COL25A1: variants seen among roughly 807,000 people sequenced by gnomAD.
COL25A1 encodes the protein collagen alpha-1(XXV) chain.
Under a neutral mutation model 128.4 loss-of-function variants are expected in COL25A1, and 103 were observed. The observed-to-expected ratio is 0.80, with a 90% CI of 0.68 to 0.94. The LOEUF (loss-of-function observed/expected upper bound fraction) is 0.94, where lower values mean the gene tolerates loss of function less well. Among genes scored for constraint, COL25A1 ranks in the 40% least tolerant of loss-of-function variants. The probability of loss-of-function intolerance (pLI) is 0.00; values close to 1 mark genes in which losing one functional copy is unlikely to be tolerated. For missense variants in COL25A1, 745 were observed against 840.0 expected, an observed-to-expected ratio of 0.89 and a Z score of 1.40; for synonymous variants, 279 against 277.2, an observed-to-expected ratio of 1.01 and a Z score of -0.06.
chr4:108,994,703 T>C (rs1177739018), intron 6 of COL25A1, among the ~76,000 whole-genome samples: 1 of 152,136 alleles, frequency 6.6e-6, no homozygotes, highest in African/African-American at 2.4e-5. Context: ...GGGAAATATC[T>C]CCCAGTAGGG....
intron 3 of COL25A1, among the ~76,000 whole-genome samples, chr4:109,167,882 G>A (rs566041859): frequency 5.3e-5 from 8 of 152,206 alleles, no homozygotes; most frequent in Admixed American, 1.3e-4. Flanking sequence ...GATAGATGAG[G>A]GGAGGTGGGC....
rs2125696270 is a variant in COL25A1 at position 108,810,201 on chromosome 4, A to C, written c.*3726T>G. On this transcript the variant is annotated 3_prime_UTR_variant, in exon 38 of 38. Transcript: ENST00000399132. ...CTTCAATAGTAACATTAAAAAAAAAAACCCTTGGAAATTAAGCACATTTCC... is the reference window on the plus strand; with the variant it reads ...CTTCAATAGTAACATTAAAAAAAAACACCCTTGGAAATTAAGCACATTTCC... The C allele has an allele frequency of 6.6e-6, 1 of 151,998 alleles. No homozygotes were observed. The highest frequency in any genetic ancestry group is 1.9e-4 in the East Asian group (1 of 5,186). 9.4% of individuals were successfully genotyped at this position (151,998 alleles called of 1,614,324 possible).
chr4:108,989,501 A>T (rs1393429465), intron 6 of COL25A1, among the ~76,000 whole-genome samples: 1 of 152,206 alleles, frequency 6.6e-6, no homozygotes, highest in African/African-American at 2.4e-5. Flanking sequence ...ATCAGCTTTG[A>T]CTTGTCTTCA....
intron 3 of COL25A1, among the ~76,000 whole-genome samples, chr4:109,070,806 A>T (rs1762893107): frequency 6.6e-6 from 1 of 151,116 alleles, no homozygotes; most frequent in African/African-American, 2.4e-5. Context: ...TGTCCTTGCG[A>T]TAGTTTGCTG....
chr4:109,141,556 T>A (rs1240205325), intron 3 of COL25A1, among the ~76,000 whole-genome samples: 1 of 152,218 alleles, frequency 6.6e-6, no homozygotes, highest in Non-Finnish European at 1.5e-5. Context: ...TGTGAATCTA[T>A]CTGGTCCTGG....
intron 6 of COL25A1, among the ~76,000 whole-genome samples, chr4:108,987,739 AC>A (rs1472513709): frequency 6.6e-6 from 1 of 152,108 alleles, no homozygotes; most frequent in Non-Finnish European, 1.5e-5. Flanking sequence ...AAAAACAAAA[AC>A]AAAAAAAAAC....
chr4:109,048,525 C>T (rs1455268862), intron 4 of COL25A1, among the ~76,000 whole-genome samples: 1 of 151,890 alleles, frequency 6.6e-6, no homozygotes, highest in Non-Finnish European at 1.5e-5. Context: ...TATGATAGAC[C>T]AGTTATAGAG....
intron 3 of COL25A1, among the ~76,000 whole-genome samples, chr4:109,213,756 C>T (rs1578457760): frequency 6.6e-6 from 1 of 152,092 alleles, no homozygotes; most frequent in South Asian, 2.1e-4. Flanking sequence ...TTTAGGGTGG[C>T]TTATTATACA....
At position 109,301,911 on chromosome 4, in the gene COL25A1, G is replaced by C; in HGVS notation, c.109C>G (p.Leu37Val). ...CARTMPPCAV[L>V]AALLSVVAVV... Reference sequence around the variant, plus strand: ...GCCACCACTGACAGGAGGGCCGCCAGGACGGCACACGGGGGCATGGTCCGG... The same window carrying C: ...GCCACCACTGACAGGAGGGCCGCCACGACGGCACACGGGGGCATGGTCCGG... Residue 37 changes from leucine to valine, a missense_variant, in exon 2 of 38, where the codon CTG becomes GTG. Physicochemically the swap from Leu to Val is conservative, Grantham distance 32 (BLOSUM62 1). Around this residue, in one of 3 missense-constraint regions of COL25A1, gnomAD observed 319 missense variants for 324.9 expected, o/e 0.98. Coordinates refer to ENST00000399132, the MANE Select transcript of COL25A1 (RefSeq NM_198721.4). 6.2e-7 allele frequency: 1 copy of C among 1,614,138 alleles called. No individual in the cohort carries two copies. The highest frequency in any genetic ancestry group is 1.7e-5 in the Admixed American group (1 of 60,034).
chr4:108,882,312 C>T (rs1165518307), intron 19 of COL25A1, among the ~76,000 whole-genome samples: 1 of 145,920 alleles, frequency 6.9e-6, no homozygotes, highest in Non-Finnish European at 1.5e-5. Flanking sequence ...TTCTCAAGTA[C>T]TCTCTCTCTC....
At chr4:109,231,746 G>A (rs1351033211) in intron 3 of COL25A1, among the ~76,000 whole-genome samples, 1 of 152,174 alleles carries the variant, frequency 6.6e-6, no homozygotes, top group East Asian at 1.9e-4. Flanking sequence ...ATGGAAGAAT[G>A]GAAATGCGCA....
rs553554501 is a variant in COL25A1, at chr4:108,867,826, A to G, written c.1083+1262T>C. 2.0e-5 allele frequency among the ~76,000 whole-genome samples: 3 copies of G among 152,210 alleles called. No homozygotes were observed. The East Asian group carries it at 5.8e-4, about 29-fold the overall frequency. On this transcript the variant is annotated intron_variant, in intron 20 of 37. Coordinates refer to ENST00000399132, the MANE Select transcript of COL25A1 (RefSeq NM_198721.4). ...TTCCATCATCAGAGCTGTACTTTTT[A>G]TGTCTTTCAGGGTAGATAAAAAGAG...
chr4:109,085,545 A>G (rs1764273103), intron 3 of COL25A1, among the ~76,000 whole-genome samples: 1 of 152,194 alleles, frequency 6.6e-6, no homozygotes, highest in Non-Finnish European at 1.5e-5. Flanking sequence ...CATTAAACAT[A>G]CTGCTCTTAT....
intron 11 of COL25A1, among the ~76,000 whole-genome samples, chr4:108,936,289 T>A (rs940520168): frequency 6.6e-6 from 1 of 152,112 alleles, no homozygotes; most frequent in African/African-American, 2.4e-5. Context: ...ATTATCTGTA[T>A]TGGGCACGGT....
intron 4 of COL25A1, among the ~76,000 whole-genome samples, chr4:109,048,723 C>T (rs1158614427): frequency 6.6e-6 from 1 of 152,054 alleles, no homozygotes; most frequent in Non-Finnish European, 1.5e-5. Context: ...TTTCACACAC[C>T]ATTATGCTCA....
chr4:108,917,035 G>A (rs551244281), intron 13 of COL25A1, among the ~76,000 whole-genome samples: 1 of 152,178 alleles, frequency 6.6e-6, no homozygotes, highest in South Asian at 2.1e-4. Flanking sequence ...CTGTCTAAGG[G>A]CTTTACATCT....
At chr4:109,032,969 C>A (rs1044946096) in intron 5 of COL25A1, among the ~76,000 whole-genome samples, 2 of 152,116 alleles carry the variant, frequency 1.3e-5, no homozygotes, top group Non-Finnish European at 2.9e-5. Context: ...AGGAAGTAGG[C>A]CAAGGTAGAC....
chr4:109,200,070 G>C (rs1023383275), intron 3 of COL25A1, among the ~76,000 whole-genome samples: 3 of 152,220 alleles, frequency 2.0e-5, no homozygotes, highest in African/African-American at 7.2e-5. Context: ...GTAAGAGGCA[G>C]CTAAATCATC....
intron 3 of COL25A1, among the ~76,000 whole-genome samples, chr4:109,074,831 T>C (rs530180643): frequency 4.6e-5 from 7 of 152,290 alleles, no homozygotes; most frequent in African/African-American, 1.2e-4. Flanking sequence ...TAGAGTGCCA[T>C]TGATACCACT....
Sources: gnomAD v4.1 joint callset for allele counts (sites outside exome capture counted in the v4.1 genomes callset) on GRCh38, gnomAD v4.1.1 for gene constraint, gnomAD v4.1.1 regional missense constraint, MANE v1.5 for transcripts, NCBI Gene and HGNC (gene_info 2026-07-23, HGNC 2026-07-21) for gene names.